FAM3B: variants seen among roughly 807,000 people sequenced by gnomAD.
FAM3B encodes FAM3 metabolism regulating signaling molecule B, also known as protein FAM3B.
FAM3B carries 29 observed loss-of-function variants against 28.4 expected under a neutral mutation model. That is an observed-to-expected ratio of 1.02 (90% CI 0.76 to 1.39). FAM3B has a LOEUF of 1.39. Among genes scored for constraint, FAM3B ranks in the 40% most tolerant of loss-of-function variants. The pLI is 0.00. For synonymous variants in FAM3B, 91 were observed against 103.0 expected (o/e 0.88, Z 0.71); for missense variants, 266 against 293.9 (o/e 0.91, Z 0.69).
At chr21:41,344,598 C>A in intron 4 of FAM3B, 64 bp downstream of exon 4, 1 of 1,467,888 alleles carries the variant, frequency 6.8e-7, no homozygotes, top group South Asian at 1.2e-5. Flanking sequence ...TTCAAAGGTA[C>A]CTTGGGTTTT....
chr21:41,311,489 T>G (rs2123685271), intron 1 of FAM3B, among the ~76,000 whole-genome samples: 1 of 151,274 alleles, frequency 6.6e-6, no homozygotes, highest in East Asian at 2.0e-4. Flanking sequence ...ATGACAAATT[T>G]TTAATATATT....
At chr21:41,347,475 G>A (rs1002489400) in intron 6 of FAM3B, among the ~76,000 whole-genome samples, 3 of 152,128 alleles carry the variant, frequency 2.0e-5, no homozygotes, top group Admixed American at 6.5e-5. Context: ...AGGAAAAGAG[G>A]CTGGGCGCAG....
chr21:41,357,186 G>A lies in FAM3B; in HGVS notation c.697G>A (p.Glu233Lys). The stretch of plus-strand genomic sequence containing the variant: ...CCAGATAGAAGGCTGCATACCCAAA[G>A]AACGAAGCTGACACTGCAGGGTCCT... ...EIQIEGCIPK[E>K]RS The change falls in exon 8 of 8, where the codon GAA becomes AAA. Residue 233 changes from glutamate (E) to lysine (K), a missense_variant. By Grantham distance (56) the Glu-to-Lys change is moderately conservative. Coordinates refer to ENST00000357985, the MANE Select transcript of FAM3B (RefSeq NM_058186.4). The A allele has an allele frequency of 6.2e-7, 1 of 1,612,158 alleles. No homozygotes were observed. Among genetic ancestry groups the A allele is most frequent in the Admixed American group, 1.7e-5 (1 of 59,818 alleles).
intron 7 of FAM3B, among the ~76,000 whole-genome samples, chr21:41,354,397 CTG>C (rs2089147083): frequency 1.3e-5 from 2 of 152,200 alleles, no homozygotes. Context: ...CATTACAAAA[CTG>C]TTCACAATAG....
chr21:41,343,577 G>A (rs746191087), intron 3 of FAM3B, among the ~76,000 whole-genome samples: 4 of 152,158 alleles, frequency 2.6e-5, no homozygotes, highest in Non-Finnish European at 5.9e-5. Flanking sequence ...AAATATTAAA[G>A]TTCCGTGTTC....
intron 3 of FAM3B, among the ~76,000 whole-genome samples, chr21:41,344,182 A>G (rs2089034465): frequency 6.6e-6 from 1 of 152,242 alleles, no homozygotes; most frequent in Non-Finnish European, 1.5e-5. Flanking sequence ...AGCTAAATAA[A>G]TGTTAGTTTT....
chr21:41,315,767 A>G (rs181078544), upstream of FAM3B, among the ~76,000 whole-genome samples: 2 of 152,304 alleles, frequency 1.3e-5, no homozygotes, highest in East Asian at 1.9e-4. Context: ...TCCACAGGAC[A>G]TGTGTCCCTA....
At chr21:41,321,391 C>T (rs565428295) in intron 1 of FAM3B, among the ~76,000 whole-genome samples, 62 of 152,320 alleles carry the variant, frequency 4.1e-4, no homozygotes, top group East Asian at 2.7e-3. Context: ...GGGAGTGCAG[C>T]GCCCGCAGGT....
chr21:41,345,662 A>AAAT, intron 4 of FAM3B, 24 bp from the exon 5 acceptor site: 1 of 1,503,364 alleles, frequency 6.7e-7, no homozygotes, highest in South Asian at 1.3e-5. Flanking sequence ...CTTTCTTTTA[A>AAAT]AATACCATTT....
At chr21:41,313,004 T>G (rs1038092861), upstream of FAM3B, among the ~76,000 whole-genome samples, 1 of 152,262 alleles carries the variant, frequency 6.6e-6, no homozygotes, top group East Asian at 1.9e-4. Context: ...CCACAGATTG[T>G]TCATCCTAGT....
chr21:41,346,924 A>G, intron 5 of FAM3B, 89 bp from the exon 6 acceptor site: 1 of 1,130,190 alleles, frequency 8.8e-7, no homozygotes, highest in Non-Finnish European at 1.4e-6. Flanking sequence ...GAATGGACAC[A>G]GAATGCAGGT....
At chr21:41,354,271 A>C (rs1601377974) in intron 7 of FAM3B, among the ~76,000 whole-genome samples, 1 of 152,264 alleles carries the variant, frequency 6.6e-6, no homozygotes, top group African/African-American at 2.4e-5. Context: ...TTTGACCAGC[A>C]ATCCCATTAC....
intron 1 of FAM3B, chr21:41,322,448 G>C (rs2088815414): frequency 1.6e-6 from 1 of 630,112 alleles, no homozygotes; most frequent in Non-Finnish European, 2.9e-6. Context: ...CTGGGCATCG[G>C]CTACTATTCC....
chr21:41,312,722 AGTGTGTGTGTGTGT>A, upstream of FAM3B, among the ~76,000 whole-genome samples: 1 of 148,324 alleles, frequency 6.7e-6, no homozygotes, highest in African/African-American at 2.5e-5. Context: ...TGTGTGTGAG[AGTGTGTGTGTGTGT>A]GTGTGTGTGT....
chr21:41,337,749 G>GGT (rs981207750), intron 2 of FAM3B, among the ~76,000 whole-genome samples: 2 of 151,722 alleles, frequency 1.3e-5, no homozygotes, highest in East Asian at 1.9e-4. Flanking sequence ...GTGAGTACAT[G>GGT]GTGTGTGTGT....
At chr21:41,353,515 G>T (rs890917557) in intron 7 of FAM3B, among the ~76,000 whole-genome samples, 11 of 152,218 alleles carry the variant, frequency 7.2e-5, no homozygotes, top group Non-Finnish European at 1.3e-4. Flanking sequence ...TCACATTTTT[G>T]ATCAATTGAC....
chr21:41,350,408 T>A (rs2089106658), intron 7 of FAM3B, among the ~76,000 whole-genome samples: 1 of 152,120 alleles, frequency 6.6e-6, no homozygotes, highest in Admixed American at 6.5e-5. Context: ...TCATCACCTG[T>A]GAGAGGTGAA....
Position 41,351,666 on chromosome 21 carries a change from G to A in FAM3B, c.618+2942G>A, listed in dbSNP as rs542328784. ...GGGAGGGCCTCCTGAGTCCTCAGGG[G>A]TCTCCCCAGCCCCATGTTCACTCCC... On this transcript the variant is annotated intron_variant, in intron 7 of 7. Transcript: ENST00000357985. Among the ~76,000 whole-genome samples the A allele has an allele frequency of 2.6e-4, 39 of 152,280 alleles. 1 individual carries two copies. The South Asian group carries it at 7.9e-3, about 31-fold the overall frequency.
chr21:41,322,403 A>G (rs2088814898), intron 1 of FAM3B, among the ~76,000 whole-genome samples: 2 of 152,176 alleles, frequency 1.3e-5, no homozygotes, highest in South Asian at 2.1e-4. Flanking sequence ...TTACGGGGCC[A>G]GGCCTTGATC....
Sources: allele counts gnomAD v4.1 joint callset (sites outside exome capture counted in the v4.1 genomes callset), GRCh38; gene constraint gnomAD v4.1.1; transcripts MANE v1.5; gene names NCBI Gene and HGNC (gene_info 2026-07-23, HGNC 2026-07-21).